The following RANBP17 variants were observed in gnomAD, a reference collection of about 807,000 sequenced individuals.
The protein encoded by RANBP17 is ran-binding protein 17.
A neutral mutation model predicts 141.2 loss-of-function variants in RANBP17; 158 were observed. That is an observed-to-expected ratio of 1.12 (90% CI 0.98 to 1.28). The LOEUF (loss-of-function observed/expected upper bound fraction) is 1.28, where lower values mean the gene tolerates loss of function less well. Among genes scored for constraint, RANBP17 ranks in the 50% most tolerant of loss-of-function variants. The probability of loss-of-function intolerance (pLI) is 0.00; values close to 1 mark genes in which losing one functional copy is unlikely to be tolerated. For synonymous variants in RANBP17, 430 were observed against 450.0 expected, an observed-to-expected ratio of 0.96 and a Z score of 0.56; for missense variants, 1,438 against 1,290.7, an observed-to-expected ratio of 1.11 and a Z score of -1.75.
intron 22 of RANBP17, among the ~76,000 whole-genome samples, chr5:171,239,474 G>A (rs976842080): frequency 1.3e-5 from 2 of 152,172 alleles, no homozygotes; most frequent in East Asian, 3.9e-4. Flanking sequence ...CTTTTGGAAT[G>A]GATAACTTAT....
intron 22 of RANBP17, among the ~76,000 whole-genome samples, chr5:171,223,557 C>A (rs994340810): frequency 1.2e-4 from 18 of 152,152 alleles, no homozygotes; most frequent in Admixed American, 3.9e-4. Context: ...ATCGTTTGAA[C>A]CCGGGAGGCA....
At chr5:170,907,851 C>CAA (rs1375112118) in intron 5 of RANBP17, among the ~76,000 whole-genome samples, 1 of 151,714 alleles carries the variant, frequency 6.6e-6, no homozygotes, top group Non-Finnish European at 1.5e-5. Flanking sequence ...TCAAGAGAGG[C>CAA]ATTAAAAATA....
intron 5 of RANBP17, among the ~76,000 whole-genome samples, chr5:170,908,982 A>G (rs903258298): frequency 1.3e-5 from 2 of 151,890 alleles, no homozygotes; most frequent in South Asian, 2.1e-4. Flanking sequence ...GTCAGACTTC[A>G]GCTTTGCCTG....
chr5:171,241,244 A>ATT (rs1764862454), intron 23 of RANBP17, 102 bp downstream of exon 23: 8 of 855,388 alleles, frequency 9.4e-6, no homozygotes, highest in Non-Finnish European at 1.3e-5. Flanking sequence ...AGCCTAGAAC[A>ATT]TTTTATGTTT....
chr5:171,018,902 A>C (rs547288241), intron 14 of RANBP17, among the ~76,000 whole-genome samples: 3 of 152,312 alleles, frequency 2.0e-5, no homozygotes, highest in Non-Finnish European at 4.4e-5. Flanking sequence ...TTTGTCATAA[A>C]TAGCTCTTAT....
chr5:171,159,777 G>T (rs1320575443), intron 14 of RANBP17, among the ~76,000 whole-genome samples: 1 of 151,824 alleles, frequency 6.6e-6, no homozygotes, highest in African/African-American at 2.4e-5. Flanking sequence ...CAAAAACTTA[G>T]CTGGGCGTGG....
chr5:171,273,378 T>A (rs1767252157), intron 25 of RANBP17, among the ~76,000 whole-genome samples: 1 of 152,218 alleles, frequency 6.6e-6, no homozygotes, highest in Non-Finnish European at 1.5e-5. Flanking sequence ...CTACCCATTA[T>A]AACTATACCA....
At chr5:171,066,402 T>G (rs1164529535) in intron 14 of RANBP17, among the ~76,000 whole-genome samples, 3 of 152,204 alleles carry the variant, frequency 2.0e-5, no homozygotes, top group African/African-American at 7.2e-5. Context: ...ATTCCACATA[T>G]AAGTTAGATT....
At chr5:170,981,879 A>G (rs1207657842) in intron 14 of RANBP17, among the ~76,000 whole-genome samples, 1 of 152,152 alleles carries the variant, frequency 6.6e-6, no homozygotes, top group African/African-American at 2.4e-5. Context: ...AAAGCCCAGA[A>G]CTTGGAGACT....
intron 14 of RANBP17, among the ~76,000 whole-genome samples, chr5:171,084,034 A>G (rs1785444046): frequency 6.7e-6 from 1 of 149,856 alleles, no homozygotes; most frequent in African/African-American, 2.5e-5. Context: ...ATATGTATAC[A>G]TGTGCCATGC....
In RANBP17 at chr5:171,071,653, CAAAAAAAAA is replaced by C. The variant is rs34555837; in HGVS notation, c.1711-98464_1711-98456del. Among the ~76,000 whole-genome samples, 8 of 69,646 alleles carry C rather than the reference CAAAAAAAAA, an allele frequency of 1.1e-4. 1 individual carries two copies. Among genetic ancestry groups the C allele is most frequent in the Admixed American group, 2.0e-4 (1 of 5,044 alleles). The allele number at this position is 69,646 out of a possible 152,430, so 45.7% of individuals were successfully genotyped here. ...TACTGGAACAATGAACAGCTTTATG[CAAAAAAAAA>C]AAAAAAAAAAAAGACCCTCAATACG... On this transcript the variant is annotated intron_variant, in intron 14 of 27. Coordinates refer to ENST00000523189, the MANE Select transcript of RANBP17 (RefSeq NM_022897.5).
intron 22 of RANBP17, among the ~76,000 whole-genome samples, chr5:171,230,347 G>C (rs1339666758): frequency 1.3e-5 from 2 of 152,162 alleles, no homozygotes. Flanking sequence ...AGAACAGCCT[G>C]GTTGGTTAGG....
At chr5:171,045,291 A>G (rs1345296835) in intron 14 of RANBP17, among the ~76,000 whole-genome samples, 5 of 152,110 alleles carry the variant, frequency 3.3e-5, no homozygotes, top group Non-Finnish European at 5.9e-5. Flanking sequence ...TCAATATGCA[A>G]GGTAGTACTT....
chr5:171,084,044 C>T (rs886256229), intron 14 of RANBP17, among the ~76,000 whole-genome samples: 1 of 149,514 alleles, frequency 6.7e-6, no homozygotes, highest in African/African-American at 2.5e-5. Context: ...ATGTGCCATG[C>T]TGGTGCGCTG....
chr5:171,192,942 AG>A (rs1761743973), intron 18 of RANBP17, among the ~76,000 whole-genome samples: 1 of 152,200 alleles, frequency 6.6e-6, no homozygotes, highest in Admixed American at 6.5e-5. Flanking sequence ...CCCAAGTTTC[AG>A]GGGCCAGTTA....
At chr5:171,298,605 G>A (rs916806920) in intron 27 of RANBP17, among the ~76,000 whole-genome samples, 157 bp from the exon 28 acceptor site, 1 of 152,220 alleles carries the variant, frequency 6.6e-6, no homozygotes, top group East Asian at 1.9e-4. Flanking sequence ...CAGCAATGGC[G>A]GTGAAAGTGG....
chr5:171,208,927 AAAGG>A (rs755038264), intron 20 of RANBP17, among the ~76,000 whole-genome samples: 2 of 152,248 alleles, frequency 1.3e-5, no homozygotes, highest in Non-Finnish European at 2.9e-5. Flanking sequence ...ATAATGAGAC[AAAGG>A]AATCCCATTT....
intron 14 of RANBP17, among the ~76,000 whole-genome samples, chr5:171,134,094 AT>A (rs1757106738): frequency 1.3e-5 from 2 of 152,324 alleles, no homozygotes; most frequent in African/African-American, 2.4e-5. Context: ...CCTAAATGGA[AT>A]ATGCTGTTTT....
intron 12 of RANBP17, among the ~76,000 whole-genome samples, chr5:170,950,885 C>T (rs999346823): frequency 6.6e-6 from 1 of 151,948 alleles, no homozygotes; most frequent in Admixed American, 6.6e-5. Flanking sequence ...AGTAGAATAC[C>T]GTTAGGCCAT....
Sources: gnomAD v4.1 joint callset for allele counts (sites outside exome capture counted in the v4.1 genomes callset) on GRCh38, gnomAD v4.1.1 for gene constraint, MANE v1.5 for transcripts, NCBI Gene and HGNC (gene_info 2026-07-23, HGNC 2026-07-21) for gene names.